Variants in SLC22A16 observed in about 807,000 individuals in gnomAD.
SLC22A16 encodes the protein solute carrier family 22 member 16.
In SLC22A16, 53 loss-of-function variants were observed where a neutral mutation model predicts 52.9. That is an observed-to-expected ratio of 1.00 (90% CI 0.80 to 1.26). The LOEUF is 1.26. Among genes scored for constraint, SLC22A16 ranks in the 50% most tolerant of loss-of-function variants. SLC22A16 has a pLI of 0.00. For synonymous variants in SLC22A16, 291 were observed against 268.8 expected (o/e 1.08, Z -0.81); for missense variants, 726 against 704.0 (o/e 1.03, Z -0.35).
At chr6:110,445,024 A>G (rs1013424012) in intron 3 of SLC22A16, among the ~76,000 whole-genome samples, 2 of 152,186 alleles carry the variant, frequency 1.3e-5, no homozygotes, top group Admixed American at 6.5e-5. Context: ...CACTCTGTGA[A>G]TCCACTCACA....
intron 7 of SLC22A16, among the ~76,000 whole-genome samples, chr6:110,427,737 A>G (rs1279597423): frequency 6.6e-6 from 1 of 152,128 alleles, no homozygotes; most frequent in Non-Finnish European, 1.5e-5. Flanking sequence ...TGGCCCCCCA[A>G]AGTGTGGGAT....
intron 3 of SLC22A16, among the ~76,000 whole-genome samples, chr6:110,443,900 G>A (rs1775070782): frequency 6.6e-6 from 1 of 152,204 alleles, no homozygotes; most frequent in Non-Finnish European, 1.5e-5. Flanking sequence ...CTTTCATGAG[G>A]TACCTAGAGT....
At chr6:110,427,544 G>T (rs753094999) in intron 7 of SLC22A16, among the ~76,000 whole-genome samples, 19 of 152,188 alleles carry the variant, frequency 1.2e-4, no homozygotes, top group Non-Finnish European at 2.5e-4. Flanking sequence ...ATTACTGCAT[G>T]CATATATATA....
intron 2 of SLC22A16, among the ~76,000 whole-genome samples, chr6:110,454,382 T>A (rs1775502270): frequency 6.6e-6 from 1 of 150,958 alleles, no homozygotes; most frequent in Non-Finnish European, 1.5e-5. Flanking sequence ...ATTTTTTAGC[T>A]TAAGGTTTTT....
intron 1 of SLC22A16, among the ~76,000 whole-genome samples, chr6:110,473,109 T>C (rs547700225): frequency 9.4e-4 from 143 of 152,216 alleles, no homozygotes; most frequent in African/African-American, 3.2e-3. Context: ...TGAAATGAGT[T>C]AACACATGGA....
chr6:110,439,435 T>TC (rs1473995637), intron 4 of SLC22A16, among the ~76,000 whole-genome samples: 2 of 152,154 alleles, frequency 1.3e-5, no homozygotes, highest in Admixed American at 6.5e-5. Flanking sequence ...TCTCAAATTG[T>TC]CATAGAGAAT....
chr6:110,450,073 A>C (rs536490776), intron 2 of SLC22A16, among the ~76,000 whole-genome samples: 1 of 152,324 alleles, frequency 6.6e-6, no homozygotes. Flanking sequence ...GCAAAAATTC[A>C]GAAACAGTGT....
At chr6:110,457,953 C>T (rs560777346) in intron 1 of SLC22A16, among the ~76,000 whole-genome samples, 2 of 152,292 alleles carry the variant, frequency 1.3e-5, no homozygotes, top group Admixed American at 1.3e-4. Flanking sequence ...GAGGGCCTGA[C>T]ATCAGTCAGG....
chr6:110,465,890 T>G (rs1776042455), intron 1 of SLC22A16, among the ~76,000 whole-genome samples: 1 of 152,094 alleles, frequency 6.6e-6, no homozygotes, highest in Non-Finnish European at 1.5e-5. Context: ...CAAACTATAC[T>G]ACAAGGCTAT....
intron 7 of SLC22A16, among the ~76,000 whole-genome samples, chr6:110,427,425 G>C (rs1477501265): frequency 1.3e-5 from 2 of 152,086 alleles, no homozygotes; most frequent in African/African-American, 2.4e-5. Context: ...ATGGATGAAA[G>C]AATAGTATCT....
chr6:110,442,492 G>A lies in SLC22A16; in HGVS notation c.935C>T (p.Ala312Val). Reference protein sequence around the residue: ...EEAQKIVDIMAKWNRASSCKL... With the variant: ...EEAQKIVDIMVKWNRASSCKL... ...ACAGGAGCTTGCCCTGTTCCACTTG[G>A]CCATGATGTCAACTATTTTTTGTGC... Residue 312 changes from alanine to valine, a missense_variant, in exon 4 of 8, where the codon GCC (alanine) becomes GTC (valine). By Grantham distance (64) the Ala-to-Val change is moderately conservative. Transcript: ENST00000368919. 6.2e-7 allele frequency: 1 copy of A among 1,614,170 alleles called. No individual in the cohort carries two copies. Among genetic ancestry groups the A allele is most frequent in the Non-Finnish European group, 8.5e-7 (1 of 1,180,026 alleles).
chr6:110,471,437 A>G (rs1165728754), intron 1 of SLC22A16, among the ~76,000 whole-genome samples: 2 of 152,236 alleles, frequency 1.3e-5, no homozygotes, highest in African/African-American at 2.4e-5. Flanking sequence ...TAAAAGACAA[A>G]TGCAAGAAAG....
chr6:110,464,287 A>G (rs1454243865), intron 1 of SLC22A16, among the ~76,000 whole-genome samples: 2 of 152,022 alleles, frequency 1.3e-5, no homozygotes, highest in African/African-American at 4.8e-5. Context: ...AAGAATAATA[A>G]CAAAGATCAG....
chr6:110,458,361 G>A (rs1437724339), intron 1 of SLC22A16, among the ~76,000 whole-genome samples: 2 of 152,152 alleles, frequency 1.3e-5, no homozygotes, highest in Non-Finnish European at 2.9e-5. Flanking sequence ...CCCAGGCCCA[G>A]CTGTCTTTTC....
At chr6:110,436,008 A>C (rs368919273) in intron 5 of SLC22A16, 47 bp from the exon 6 acceptor site, 4 of 1,240,856 alleles carry the variant, frequency 3.2e-6, no homozygotes, top group Non-Finnish European at 4.7e-6. Context: ...GTATTTTTAA[A>C]GGAAAATAGA....
intron 3 of SLC22A16, among the ~76,000 whole-genome samples, chr6:110,443,180 G>A (rs1361173533): frequency 1.3e-5 from 2 of 152,114 alleles, no homozygotes; most frequent in East Asian, 3.8e-4. Flanking sequence ...CTAACTAGTG[G>A]TAAGAAAAAC....
chr6:110,470,841 G>T (rs1037324425), intron 1 of SLC22A16, among the ~76,000 whole-genome samples: 1 of 152,192 alleles, frequency 6.6e-6, no homozygotes, highest in Non-Finnish European at 1.5e-5. Context: ...AGGAGATGCT[G>T]ATACGGATGA....
At position 110,456,519 on chromosome 6, in the gene SLC22A16, C is replaced by T. The variant is rs764809579; in HGVS notation, c.533+19G>A. The T allele has an allele frequency of 6.2e-7, 1 of 1,612,068 alleles. No homozygotes were observed. The highest frequency in any genetic ancestry group is 8.5e-7 in the Non-Finnish European group (1 of 1,178,716). ...ATAAACCCTACACTGATACAACAATCCTAAATATTTGATTTTACCTGTCAG... is the reference window on the plus strand; with the variant it reads ...ATAAACCCTACACTGATACAACAATTCTAAATATTTGATTTTACCTGTCAG... On this transcript the variant is annotated intron_variant, in intron 2 of 7. Transcript: ENST00000368919.
chr6:110,476,176 C>T (rs1460262618), intron 1 of SLC22A16: 12 of 488,336 alleles, frequency 2.5e-5, no homozygotes. Context: ...GGCACAGGCA[C>T]CCCCTACGAG....
Sources: allele counts gnomAD v4.1 joint callset (sites outside exome capture counted in the v4.1 genomes callset), GRCh38; gene constraint gnomAD v4.1.1; transcripts MANE v1.5; gene names NCBI Gene and HGNC (gene_info 2026-07-23, HGNC 2026-07-21).